Variants in COL4A4 observed in about 807,000 individuals in gnomAD.
COL4A4 encodes collagen type IV alpha 4 chain.
In COL4A4, 105 loss-of-function variants were observed where a neutral mutation model predicts 192.9. The ratio of observed to expected loss-of-function variants is 0.54; its 90% CI spans 0.46 to 0.64. COL4A4 has a LOEUF of 0.64. Ranked by LOEUF, COL4A4 falls within the 30% of genes least tolerant of loss-of-function variation. COL4A4 has a pLI of 0.00. For missense variants in COL4A4, 1,967 were observed against 2,169.3 expected (o/e 0.91, Z 1.85); for synonymous variants, 762 against 769.9 (o/e 0.99, Z 0.17).
intron 37 of COL4A4, among the ~76,000 whole-genome samples, chr2:227,037,919 A>G (rs1196970240): frequency 6.6e-6 from 1 of 152,100 alleles, no homozygotes. Context: ...TCCTTCGCCC[A>G]CTTTTTGATG....
At chr2:227,101,769 T>C in intron 16 of COL4A4, 96 bp downstream of exon 16, 2 of 1,140,032 alleles carry the variant, frequency 1.8e-6, no homozygotes, top group South Asian at 2.7e-5. Context: ...CCTTCCTAAT[T>C]ACTGTGTTTG....
intron 34 of COL4A4, among the ~76,000 whole-genome samples, chr2:227,049,012 A>C (rs1283687392): frequency 6.6e-6 from 1 of 152,232 alleles, no homozygotes; most frequent in Non-Finnish European, 1.5e-5. Context: ...TTCATTAATT[A>C]GTATTTTATA....
intron 4 of COL4A4, 89 bp downstream of exon 4, chr2:227,140,072 T>C (rs1324833600): frequency 8.6e-7 from 1 of 1,165,264 alleles, no homozygotes; most frequent in African/African-American, 1.5e-5. Context: ...GACTAAAATT[T>C]GCCAAGAATC....
At chr2:227,055,113 G>C (rs1322838913) in intron 30 of COL4A4, among the ~76,000 whole-genome samples, 2 of 152,142 alleles carry the variant, frequency 1.3e-5, no homozygotes, top group Non-Finnish European at 2.9e-5. Context: ...TTACAGGCTA[G>C]TATGATTCTT....
chr2:227,001,788 A>C (rs1041883965), downstream of COL4A4, among the ~76,000 whole-genome samples: 2 of 151,308 alleles, frequency 1.3e-5, no homozygotes, highest in African/African-American at 4.9e-5. Context: ...GACATAGTAG[A>C]CGGTCAGGGA....
chr2:227,081,369 A>G (rs2059316312), intron 23 of COL4A4, among the ~76,000 whole-genome samples: 1 of 152,156 alleles, frequency 6.6e-6, no homozygotes, highest in South Asian at 2.1e-4. Context: ...CCTGTGCTGA[A>G]TGCTTCCTGC....
Position 227,054,713 on chromosome 2 carries a change from G to C in COL4A4, c.2741C>G (p.Pro914Arg). The C allele has an allele frequency of 2.5e-6, 4 of 1,614,134 alleles. No homozygotes were observed. The South Asian group carries it at 4.4e-5, about 18-fold the overall frequency. ...CTTTCCTCTTTCTCCGGGAAAACCTGGGAAACCAGGCAGCCCCCGGGGTCC... is the reference window on the plus strand; with the variant it reads ...CTTTCCTCTTTCTCCGGGAAAACCTCGGAAACCAGGCAGCCCCCGGGGTCC... The part of the protein sequence containing the change: ...PKGPRGLPGF[P>R]GFPGERGKPG... The change falls in exon 31 of 48, where the codon CCA becomes CGA. Residue 914 changes from proline to arginine, a missense_variant. Pro to Arg is a moderately radical substitution (Grantham distance 103). Transcript: ENST00000396625.
intron 37 of COL4A4, among the ~76,000 whole-genome samples, chr2:227,041,866 G>GAAAGAAAGAAAGAAAGAA (rs1971414759): frequency 7.7e-6 from 1 of 130,038 alleles, no homozygotes. Context: ...AAGAAAGAAA[G>GAAAGAAAGAAAGAAAGAA]AAAGAAAGAA....
intron 4 of COL4A4, among the ~76,000 whole-genome samples, chr2:227,133,255 A>C (rs6436656): frequency 0.34 from 51,732 of 152,112 alleles, 9,506 homozygotes; most frequent in Non-Finnish European, 0.41. Context: ...TGTGCCCAAA[A>C]CTGCCTTCAG....
chr2:226,973,958 C>G, the COL4A4 span, among the ~76,000 whole-genome samples: 3 of 152,170 alleles, frequency 2.0e-5, no homozygotes, highest in Non-Finnish European at 4.4e-5. Context: ...GAGTGGCTGC[C>G]TCTCTGCAAT....
At chr2:227,024,535 G>A (rs1966635419) in intron 43 of COL4A4, among the ~76,000 whole-genome samples, 1 of 152,200 alleles carries the variant, frequency 6.6e-6, no homozygotes, top group Non-Finnish European at 1.5e-5. Flanking sequence ...ATTAGCTATG[G>A]TGTTCTTCAA....
Position 227,101,887 on chromosome 2 carries a change from G to A in COL4A4, c.953C>T (p.Ser318Phe), listed in dbSNP as rs1187623318. ...TACCTTTAATCCTGGAAAACCTGGA[G>A]ATCCATAGGAACCAGGATCCCCCTA... ...GPRGDPGSYG[S>F]PGFPGLKGEL... Residue 318 changes from serine to phenylalanine, a missense_variant, in exon 16 of 48, where the codon TCT becomes TTT. Coordinates refer to ENST00000396625, the MANE Select transcript of COL4A4 (RefSeq NM_000092.5). 5 of 1,596,512 alleles carry A rather than the reference G, an allele frequency of 3.1e-6. No homozygotes were observed. Among genetic ancestry groups the A allele is most frequent in the Middle Eastern group, 3.3e-4 (2 of 6,010 alleles).
the COL4A4 span, among the ~76,000 whole-genome samples, chr2:226,995,113 A>G: frequency 6.6e-6 from 1 of 152,164 alleles, no homozygotes; most frequent in Non-Finnish European, 1.5e-5. Context: ...AAAAAAAGAC[A>G]ATAAGCCCTT....
chr2:227,045,341 T>C (rs1972249248), intron 35 of COL4A4, among the ~76,000 whole-genome samples: 1 of 152,102 alleles, frequency 6.6e-6, no homozygotes, highest in Admixed American at 6.6e-5. Context: ...ATAATGGAGG[T>C]TGACTTTGAG....
chr2:227,027,241 G>C (rs1949805), intron 42 of COL4A4, among the ~76,000 whole-genome samples: 68,071 of 143,646 alleles, frequency 0.47, 16,141 homozygotes, highest in South Asian at 0.55. Context: ...GACAGAGCAA[G>C]ACTGTCTCAA....
At chr2:227,020,035 CTATT>C (rs1176262132) in intron 44 of COL4A4, among the ~76,000 whole-genome samples, 1 of 152,182 alleles carries the variant, frequency 6.6e-6, no homozygotes, top group Non-Finnish European at 1.5e-5. Flanking sequence ...ATTCTGCTGG[CTATT>C]TCTTTCATGG....
At chr2:227,023,859 A>C (rs1323257343) in intron 43 of COL4A4, among the ~76,000 whole-genome samples, 1 of 152,106 alleles carries the variant, frequency 6.6e-6, no homozygotes, top group African/African-American at 2.4e-5. Flanking sequence ...TAAAAATACA[A>C]AAATTAGCCG....
chr2:227,012,639 A>AAAAAC (rs930599013), intron 44 of COL4A4, among the ~76,000 whole-genome samples: 7 of 151,850 alleles, frequency 4.6e-5, no homozygotes, highest in Admixed American at 2.0e-4. Flanking sequence ...CTTCAAAAAA[A>AAAAAC]AAAAAAAAAA....
chr2:227,022,467 G>A, intron 43 of COL4A4: 1 of 619,838 alleles, frequency 1.6e-6, no homozygotes, highest in Non-Finnish European at 3.2e-6. Flanking sequence ...AAGGTCGGAT[G>A]ATGCAGCAAC....
Sources: gnomAD v4.1 joint callset for allele counts (sites outside exome capture counted in the v4.1 genomes callset) on GRCh38, gnomAD v4.1.1 for gene constraint, MANE v1.5 for transcripts, NCBI Gene and HGNC (gene_info 2026-07-23, HGNC 2026-07-21) for gene names.